Variants in LOXHD1 observed in about 807,000 individuals in gnomAD.
LOXHD1 encodes lipoxygenase homology PLAT domains 1.
In LOXHD1, 205 loss-of-function variants were observed where a neutral mutation model predicts 248.2. That is an observed-to-expected ratio of 0.83 (90% CI 0.74 to 0.93). The LOEUF (loss-of-function observed/expected upper bound fraction) is 0.93. Among genes scored for constraint, LOXHD1 ranks in the 40% least tolerant of loss-of-function variants. LOXHD1 has a pLI of 0.00. For missense variants in LOXHD1, 2,930 were observed against 2,971.6 expected, an observed-to-expected ratio of 0.99 and a Z score of 0.33; for synonymous variants, 1,113 against 1,162.8, an observed-to-expected ratio of 0.96 and a Z score of 0.87.
chr18:46,522,323 CGG>C lies in LOXHD1; in HGVS notation c.4877-16_4877-15del. Reference sequence around the variant, plus strand: ...AGTAGGGAATAACTGCAAGAGATCACGGGGCTCAGGTTCATAACAGACCAGAT... The same window carrying C: ...AGTAGGGAATAACTGCAAGAGATCACGGCTCAGGTTCATAACAGACCAGAT... On this transcript the variant is annotated splice_polypyrimidine_tract_variant and intron_variant, in intron 31 of 40. Coordinates refer to ENST00000642948, the MANE Select transcript of LOXHD1 (RefSeq NM_001384474.1). 6.5e-7 allele frequency: 1 copy of C among 1,549,886 alleles called. No individual in the cohort carries two copies. The highest frequency in any genetic ancestry group is 1.2e-5 in the South Asian group (1 of 84,006).
At chr18:46,484,880 G>T (rs2032906167) in intron 39 of LOXHD1, 139 bp downstream of exon 39, 2 of 1,046,436 alleles carry the variant, frequency 1.9e-6, no homozygotes, top group African/African-American at 1.6e-5. Flanking sequence ...GCACAGGATT[G>T]GCACACAGTA....
Position 46,560,223 on chromosome 18 carries a change from T to C in LOXHD1, c.2921A>G (p.Glu974Gly). Reference protein sequence around the residue: ...SSEEEEMEEEEEEEEFGPGMQ... With the variant: ...SSEEEEMEEEGEEEEFGPGMQ... ...CCCCGGCCCAAACTCCTCCTCTTCC[T>C]CCTCTTCTTCCATCTCCTCCTCCTC... The change falls in exon 19 of 41, where the codon GAG (glutamate) becomes GGG (glycine). Residue 974 changes from glutamate (E) to glycine (G), a missense_variant. Physicochemically the swap from Glu to Gly is moderately conservative, Grantham distance 98. Coordinates refer to ENST00000642948, the MANE Select transcript of LOXHD1 (RefSeq NM_001384474.1). The C allele has an allele frequency of 1.9e-6, 3 of 1,551,416 alleles. No homozygotes were observed. Among genetic ancestry groups the C allele is most frequent in the Non-Finnish European group, 2.6e-6 (3 of 1,146,968 alleles).
chr18:46,497,175 T>C (rs1407754235), intron 37 of LOXHD1, among the ~76,000 whole-genome samples: 1 of 152,200 alleles, frequency 6.6e-6, no homozygotes, highest in Non-Finnish European at 1.5e-5. Context: ...TCAGGATTTC[T>C]TTAAACCCAA....
intron 16 of LOXHD1, among the ~76,000 whole-genome samples, chr18:46,567,994 C>G (rs1256013040): frequency 6.6e-6 from 1 of 152,182 alleles, no homozygotes; most frequent in Non-Finnish European, 1.5e-5. Context: ...GTAAAGGGAA[C>G]AGCATTTTCA....
At chr18:46,647,495 C>T (rs184045665) in intron 2 of LOXHD1, among the ~76,000 whole-genome samples, 15 of 152,316 alleles carry the variant, frequency 9.8e-5, no homozygotes, top group African/African-American at 2.4e-4. Context: ...AGAAACCAAC[C>T]GGGCGACTCC....
chr18:46,581,896 G>A (rs1354258770), intron 12 of LOXHD1, among the ~76,000 whole-genome samples: 1 of 152,188 alleles, frequency 6.6e-6, no homozygotes, highest in Non-Finnish European at 1.5e-5. Context: ...GCAGTGGGAT[G>A]ATATATTCAA....
rs576488634 is a variant in LOXHD1 at position 46,545,909 on chromosome 18, G to A, written c.3515-488C>T. The stretch of plus-strand genomic sequence containing the variant: ...CTCCCAAAGTGCTGGGATTACAGGC[G>A]TGAGCCACCGCGCCTCTTGGCCATT... On this transcript the variant is annotated intron_variant, in intron 22 of 40. Coordinates refer to ENST00000642948, the MANE Select transcript of LOXHD1 (RefSeq NM_001384474.1). 9.7e-4 allele frequency among the ~76,000 whole-genome samples: 146 copies of A among 149,850 alleles called. 1 individual carries two copies. Among genetic ancestry groups the A allele is most frequent in the Admixed American group, 2.7e-3 (40 of 14,986 alleles).
intron 8 of LOXHD1, 41 bp downstream of exon 8, chr18:46,601,176 G>T: frequency 6.5e-7 from 1 of 1,535,962 alleles, no homozygotes; most frequent in Non-Finnish European, 8.8e-7. Flanking sequence ...AAGAGGAGAG[G>T]GGTTGAATCA....
In LOXHD1 at chr18:46,641,973, G is replaced by T; in HGVS notation, c.309C>A (p.Gly103=). ...CTTCTCACCTGACTTTATAGATGAG[G>T]CCCACATTGTTGGTTCTCACCCGGA... ...DVFRVRTNNV[G]LIYKVRIEHD... The change falls in exon 3 of 41, where the codon GGC becomes GGA. Residue 103 remains glycine, a synonymous_variant. Coordinates refer to ENST00000642948, the MANE Select transcript of LOXHD1 (RefSeq NM_001384474.1). The T allele has an allele frequency of 6.4e-7, 1 of 1,552,144 alleles. No individual in the cohort carries two copies. The highest frequency in any genetic ancestry group is 8.7e-7 in the Non-Finnish European group (1 of 1,147,066).
At chr18:46,654,851 G>C (rs1685549023) in intron 1 of LOXHD1, among the ~76,000 whole-genome samples, 1 of 152,180 alleles carries the variant, frequency 6.6e-6, no homozygotes, top group Admixed American at 6.5e-5. Context: ...AGAAATGTCA[G>C]CGTGGCACCC....
intron 37 of LOXHD1, among the ~76,000 whole-genome samples, chr18:46,494,756 A>AAAGTCACTG (rs1417584953): frequency 6.6e-6 from 1 of 152,098 alleles, no homozygotes; most frequent in Non-Finnish European, 1.5e-5. Flanking sequence ...GGCTGGTTCA[A>AAAGTCACTG]AAGTCACTGT....
intron 37 of LOXHD1, among the ~76,000 whole-genome samples, chr18:46,489,793 T>C (rs892463602): frequency 6.6e-6 from 1 of 152,180 alleles, no homozygotes; most frequent in Non-Finnish European, 1.5e-5. Flanking sequence ...AGGGAGTAGG[T>C]CTTACTTGTT....
At chr18:46,491,079 A>T (rs1280912707) in intron 37 of LOXHD1, among the ~76,000 whole-genome samples, 1 of 152,260 alleles carries the variant, frequency 6.6e-6, no homozygotes, top group Non-Finnish European at 1.5e-5. Flanking sequence ...GCAGAGAAAA[A>T]GGCGACAAGT....
chr18:46,560,571 G>A (rs1416284566), intron 18 of LOXHD1, 26 bp from the exon 19 acceptor site: 4 of 1,503,184 alleles, frequency 2.7e-6, no homozygotes, highest in Non-Finnish European at 3.5e-6. Context: ...GGCAGCGGCT[G>A]TCGTGGCCCC....
intron 4 of LOXHD1, among the ~76,000 whole-genome samples, chr18:46,636,394 C>T (rs757458822): frequency 9.9e-5 from 15 of 152,186 alleles, no homozygotes; most frequent in African/African-American, 1.4e-4. Flanking sequence ...TGTGTCTTGA[C>T]GCATGAAATG....
chr18:46,634,968 AT>A (rs943048434), intron 4 of LOXHD1, among the ~76,000 whole-genome samples: 10 of 151,808 alleles, frequency 6.6e-5, no homozygotes, highest in African/African-American at 1.9e-4. Context: ...TTTTACCACA[AT>A]TTTTTTTTAA....
intron 4 of LOXHD1, among the ~76,000 whole-genome samples, chr18:46,620,874 C>A (rs1162860762): frequency 6.6e-6 from 1 of 152,200 alleles, no homozygotes; most frequent in Admixed American, 6.5e-5. Flanking sequence ...GAGGCCTGGG[C>A]AGCACGAACG....
chr18:46,638,367 C>T (rs761841133), intron 4 of LOXHD1, among the ~76,000 whole-genome samples: 14 of 152,200 alleles, frequency 9.2e-5, no homozygotes, highest in African/African-American at 2.2e-4. Flanking sequence ...CACGGTGGCT[C>T]ATGCCTGTAA....
chr18:46,628,274 G>A (rs934527695), intron 4 of LOXHD1, among the ~76,000 whole-genome samples: 6 of 152,150 alleles, frequency 3.9e-5, no homozygotes, highest in Admixed American at 6.5e-5. Context: ...CCCTCTTTCC[G>A]GAGATGATTT....
Sources: gnomAD v4.1 joint callset for allele counts (sites outside exome capture counted in the v4.1 genomes callset) on GRCh38, gnomAD v4.1.1 for gene constraint, MANE v1.5 for transcripts, NCBI Gene and HGNC (gene_info 2026-07-23, HGNC 2026-07-21) for gene names.